The following TBX20 variants were observed in gnomAD, a reference collection of about 807,000 sequenced individuals.
The protein encoded by TBX20 is T-box transcription factor TBX20.
Under a neutral mutation model 42.9 loss-of-function variants are expected in TBX20, and 8 were observed. The observed-to-expected ratio is 0.19, with a 90% CI of 0.11 to 0.34. TBX20 has a LOEUF of 0.34. Among genes scored for constraint, TBX20 ranks in the 10% least tolerant of loss-of-function variants. TBX20 has a pLI of 1.00. For synonymous variants in TBX20, 198 were observed against 222.8 expected (o/e 0.89, Z 0.99); for missense variants, 411 against 566.0 (o/e 0.73, Z 2.78).
chr7:35,245,545 T>C (rs1289384032), intron 3 of TBX20, among the ~76,000 whole-genome samples: 1 of 152,168 alleles, frequency 6.6e-6, no homozygotes, highest in Non-Finnish European at 1.5e-5. Context: ...AAACTTAAAG[T>C]TTTAAAGTTT....
At chr7:35,238,489 T>A (rs1790010565) in intron 5 of TBX20, among the ~76,000 whole-genome samples, 1 of 152,210 alleles carries the variant, frequency 6.6e-6, no homozygotes, top group South Asian at 2.1e-4. Flanking sequence ...TTCCCAAACA[T>A]CAATAAGGTT....
At chr7:35,250,367 A>C (rs548300695) in intron 1 of TBX20, among the ~76,000 whole-genome samples, 164 bp from the exon 2 acceptor site, 1 of 152,306 alleles carries the variant, frequency 6.6e-6, no homozygotes, top group South Asian at 2.1e-4. Flanking sequence ...GTATAAAATT[A>C]CCTGGGATTC....
intron 3 of TBX20, among the ~76,000 whole-genome samples, chr7:35,245,681 C>T (rs75439079): frequency 0.011 from 1,702 of 152,312 alleles, 31 homozygotes; most frequent in African/African-American, 0.039. Context: ...TCATCATTAT[C>T]TGTTTATGTG....
At chr7:35,213,083 G>C (rs1226100002) in intron 6 of TBX20, among the ~76,000 whole-genome samples, 1 of 152,148 alleles carries the variant, frequency 6.6e-6, no homozygotes, top group African/African-American at 2.4e-5. Flanking sequence ...CAGGAAATAA[G>C]CTGCATCATC....
Position 35,248,952 on chromosome 7 carries a change from C to G in TBX20, c.381-111G>C, listed in dbSNP as rs142148105. 44 of 1,277,490 alleles carry G rather than the reference C, an allele frequency of 3.4e-5. No homozygotes were observed. In the African/African-American group the frequency reaches 4.6e-4, roughly 13 times the overall value. The allele number at this position is 1,277,490 out of a possible 1,614,324, so 79.1% of individuals were successfully genotyped here. A position where few individuals can be genotyped will look rare whatever the true frequency, so the allele number is the denominator to read the frequency against. On this transcript the variant is annotated intron_variant, in intron 2 of 7. Coordinates refer to ENST00000408931, the MANE Select transcript of TBX20 (RefSeq NM_001077653.2). Reference sequence around the variant, plus strand: ...GAAGGAGGGAAAGGGTCTGACTCCCCTCTCTATCCGGTCCACAAACCCCTC... The same window carrying G: ...GAAGGAGGGAAAGGGTCTGACTCCCGTCTCTATCCGGTCCACAAACCCCTC...
chr7:35,225,864 G>C (rs1361105098), intron 6 of TBX20, among the ~76,000 whole-genome samples: 2 of 152,096 alleles, frequency 1.3e-5, no homozygotes, highest in Admixed American at 1.3e-4. Flanking sequence ...AAAAACGATT[G>C]GGATTTGCCA....
rs548534912 is a variant in TBX20, at chr7:35,249,566, C to A, written c.380+385G>T. Among the ~76,000 whole-genome samples, 1 of 152,356 alleles carries A rather than the reference C, an allele frequency of 6.6e-6. No homozygotes were observed. Among genetic ancestry groups the A allele is most frequent in the Non-Finnish European group, 1.5e-5 (1 of 68,034 alleles). ...TGAGGCTGATAAAAGGGAAGCTACTCACCTACCTAGAAGCACCCAGCAGCT... is the reference window on the plus strand; with the variant it reads ...TGAGGCTGATAAAAGGGAAGCTACTAACCTACCTAGAAGCACCCAGCAGCT... On this transcript the variant is annotated intron_variant, in intron 2 of 7. Coordinates refer to ENST00000408931, the MANE Select transcript of TBX20 (RefSeq NM_001077653.2). This position sits in a 1 kb window ranked among gnomAD's most constrained non-coding sequence, Gnocchi z 4.3.
intron 5 of TBX20, among the ~76,000 whole-genome samples, chr7:35,235,072 C>A (rs1362258190): frequency 6.6e-6 from 1 of 152,004 alleles, no homozygotes; most frequent in Non-Finnish European, 1.5e-5. Context: ...CAATTATGAA[C>A]TAAGTGAAAC....
intron 6 of TBX20, among the ~76,000 whole-genome samples, chr7:35,229,199 G>A (rs1789827071): frequency 6.6e-6 from 1 of 152,046 alleles, no homozygotes; most frequent in South Asian, 2.1e-4. Context: ...TGCAATATCT[G>A]TCATCATGTC....
rs139143753 is a variant in TBX20 at position 35,245,766 on chromosome 7, C to G, written c.546-709G>C. On this transcript the variant is annotated intron_variant, in intron 3 of 7. Coordinates refer to ENST00000408931, the MANE Select transcript of TBX20 (RefSeq NM_001077653.2). ...TTTATTTATCTGTAAACAGTGTAAGCCAAAAAAAAGCTCTCACATCTTTTA... is the reference window on the plus strand; with the variant it reads ...TTTATTTATCTGTAAACAGTGTAAGGCAAAAAAAAGCTCTCACATCTTTTA... Among the ~76,000 whole-genome samples the G allele has an allele frequency of 9.5e-4, 145 of 152,126 alleles. 1 individual carries two copies. The highest frequency in any genetic ancestry group is 3.3e-3 in the African/African-American group (139 of 41,520).
chr7:35,224,007 G>C (rs1176338493), intron 6 of TBX20, among the ~76,000 whole-genome samples: 2 of 152,168 alleles, frequency 1.3e-5, no homozygotes, highest in Non-Finnish European at 2.9e-5. Context: ...AGCCGTATAA[G>C]ATTAAAGTAG....
chr7:35,238,844 A>G (rs541940125), intron 5 of TBX20, among the ~76,000 whole-genome samples: 33 of 146,042 alleles, frequency 2.3e-4, no homozygotes, highest in Middle Eastern at 3.4e-3. Context: ...GATCGGCATG[A>G]TAACAATTAC....
At chr7:35,219,095 T>C (rs918459229) in intron 6 of TBX20, among the ~76,000 whole-genome samples, 9 of 152,178 alleles carry the variant, frequency 5.9e-5, no homozygotes, top group African/African-American at 4.8e-5. Flanking sequence ...TAAGCACCAC[T>C]GTATTCCTGG....
Position 35,253,941 on chromosome 7 carries a change from A to G in TBX20, c.-321T>C. 1 of 318,432 alleles carries G rather than the reference A, an allele frequency of 3.1e-6. No individual in the cohort carries two copies. Among genetic ancestry groups the G allele is most frequent in the South Asian group, 4.0e-5 (1 of 25,036 alleles). 19.7% of individuals were successfully genotyped at this position (318,432 alleles called of 1,614,324 possible). ...AGCCCGAAGGCGGAAACGAGCATCA[A>G]CTGCACAAAGTCCTGGGGTCCTGGA... On this transcript the variant is annotated 5_prime_UTR_variant, in exon 1 of 8. Coordinates refer to ENST00000408931, the MANE Select transcript of TBX20 (RefSeq NM_001077653.2).
intron 6 of TBX20, among the ~76,000 whole-genome samples, chr7:35,228,131 T>C (rs967245246): frequency 1.3e-5 from 2 of 152,094 alleles, no homozygotes; most frequent in African/African-American, 4.8e-5. Flanking sequence ...GCATTTTAAT[T>C]TGTGGATATT....
chr7:35,232,721 T>C (rs1358266204), intron 5 of TBX20, among the ~76,000 whole-genome samples: 1 of 152,158 alleles, frequency 6.6e-6, no homozygotes, highest in Non-Finnish European at 1.5e-5. Context: ...TCAAAACAGA[T>C]AGTTTGAAAT....
At chr7:35,225,862 T>C (rs906465819) in intron 6 of TBX20, among the ~76,000 whole-genome samples, 22 of 152,282 alleles carry the variant, frequency 1.4e-4, no homozygotes, top group African/African-American at 4.8e-4. Context: ...GTAAAAACGA[T>C]TGGGATTTGC....
At chr7:35,206,556 AAAATAG>A (rs1789403882) in intron 6 of TBX20, among the ~76,000 whole-genome samples, 2 of 152,200 alleles carry the variant, frequency 1.3e-5, no homozygotes, top group South Asian at 2.1e-4. Flanking sequence ...TAAAAAAATA[AAAATAG>A]AAATAAAGTG....
intron 1 of TBX20, 138 bp from the exon 2 acceptor site, chr7:35,250,341 A>C: frequency 1.9e-6 from 2 of 1,036,470 alleles, no homozygotes; most frequent in Middle Eastern, 4.9e-4. Context: ...GGCTGTAGGG[A>C]TGACCCATCA....
Sources: allele counts gnomAD v4.1 joint callset (sites outside exome capture counted in the v4.1 genomes callset), GRCh38; gene constraint gnomAD v4.1.1; non-coding constraint Gnocchi (gnomAD v3.1); transcripts MANE v1.5; gene names NCBI Gene and HGNC (gene_info 2026-07-23, HGNC 2026-07-21).